Variants in KDM4B observed in about 807,000 individuals in gnomAD.
The protein encoded by KDM4B is lysine demethylase 4B.
A neutral mutation model predicts 125.2 loss-of-function variants in KDM4B; 32 were observed. The ratio of observed to expected loss-of-function variants is 0.26; its 90% CI spans 0.19 to 0.34. KDM4B has a LOEUF of 0.34. Ranked by LOEUF, KDM4B falls within the 10% of genes least tolerant of loss-of-function variation. The probability of loss-of-function intolerance (pLI) is 1.00; values close to 1 mark genes in which losing one functional copy is unlikely to be tolerated. For synonymous variants in KDM4B, 721 were observed against 677.9 expected (o/e 1.06, Z -0.99); for missense variants, 1,190 against 1,577.7 (o/e 0.75, Z 4.16).
At chr19:5,051,100 G>A (rs1050954294) in intron 6 of KDM4B, among the ~76,000 whole-genome samples, 2 of 152,062 alleles carry the variant, frequency 1.3e-5, no homozygotes, top group African/African-American at 2.4e-5. Flanking sequence ...GCGTCGCCAC[G>A]AGGCTGAGCG....
At chr19:4,980,180 A>G (rs570490049) in intron 1 of KDM4B, among the ~76,000 whole-genome samples, 4 of 152,146 alleles carry the variant, frequency 2.6e-5, no homozygotes, top group African/African-American at 9.6e-5. Context: ...ATCAAATGTT[A>G]GAACCTTTCT....
At chr19:5,004,582 G>A (rs1343372175) in intron 1 of KDM4B, among the ~76,000 whole-genome samples, 1 of 152,210 alleles carries the variant, frequency 6.6e-6, no homozygotes, top group African/African-American at 2.4e-5. Flanking sequence ...GACCCGGTGT[G>A]CATGTGTGCT....
intron 6 of KDM4B, among the ~76,000 whole-genome samples, chr19:5,067,155 C>CA (rs1271666111): frequency 6.6e-6 from 1 of 152,218 alleles, no homozygotes; most frequent in Non-Finnish European, 1.5e-5. Context: ...CCCGCCCAGA[C>CA]ATACCCCAGG....
In KDM4B at chr19:5,142,665, C is replaced by T. The variant is rs1728467597; in HGVS notation, c.2551-1302C>T. Among the ~76,000 whole-genome samples the T allele has an allele frequency of 6.6e-6, 1 of 152,100 alleles. No homozygotes were observed. Among genetic ancestry groups the T allele is most frequent in the Non-Finnish European group, 1.5e-5 (1 of 68,006 alleles). ...GGGCCTCTCCCCCACCCCCAGGCTC[C>T]CCAGGGAGCACAGCCTCCACTCCTA... On this transcript the variant is annotated intron_variant, in intron 18 of 22. Coordinates refer to ENST00000159111, the MANE Select transcript of KDM4B (RefSeq NM_015015.3). The surrounding 1 kb of genome is among the most constrained non-coding windows in gnomAD (Gnocchi z 5.4).
chr19:5,110,487 C>T, intron 9 of KDM4B, 135 bp from the exon 10 acceptor site: 1 of 788,194 alleles, frequency 1.3e-6, no homozygotes, highest in South Asian at 1.6e-5. Flanking sequence ...GAAAAATGTT[C>T]TAGAAGCGGA....
At chr19:5,124,138 A>G (rs1325380427) in intron 11 of KDM4B, among the ~76,000 whole-genome samples, 2 of 152,080 alleles carry the variant, frequency 1.3e-5, no homozygotes, top group Non-Finnish European at 2.9e-5. Context: ...GAGTTATGGG[A>G]AAACAAGCAG....
intron 3 of KDM4B, among the ~76,000 whole-genome samples, chr19:5,038,470 G>C (rs954126651): frequency 1.3e-5 from 2 of 152,196 alleles, no homozygotes; most frequent in Admixed American, 6.5e-5. Flanking sequence ...CCTTTCCTTG[G>C]GACCAGCCTT....
chr19:5,084,403 A>G (rs1264788133), intron 9 of KDM4B, among the ~76,000 whole-genome samples: 1 of 142,694 alleles, frequency 7.0e-6, no homozygotes, highest in Non-Finnish European at 1.5e-5. Flanking sequence ...AAAATAAATT[A>G]TATAAATTAC....
At chr19:5,092,876 G>C (rs192450037) in intron 9 of KDM4B, among the ~76,000 whole-genome samples, 19 of 152,270 alleles carry the variant, frequency 1.2e-4, no homozygotes, top group Admixed American at 1.2e-3. Flanking sequence ...GTAACCTGGA[G>C]AGTGAGAGAG....
chr19:5,104,205 C>G (rs2038992241), intron 9 of KDM4B, among the ~76,000 whole-genome samples: 1 of 152,186 alleles, frequency 6.6e-6, no homozygotes, highest in South Asian at 2.1e-4. Context: ...GCAGGACGAG[C>G]AGGCGTGCCA....
At chr19:5,137,884 C>G (rs2039677417) in intron 17 of KDM4B, 78 bp from the exon 18 acceptor site, 4 of 1,295,576 alleles carry the variant, frequency 3.1e-6, no homozygotes, top group South Asian at 1.3e-5. Context: ...CAGCCGACAG[C>G]CACATCACGC....
At chr19:5,029,451 G>A (rs185698680) in intron 2 of KDM4B, among the ~76,000 whole-genome samples, 2 of 152,338 alleles carry the variant, frequency 1.3e-5, no homozygotes, top group East Asian at 3.9e-4. Flanking sequence ...TGTGTTGCAC[G>A]TGCGTCAAGG....
intron 2 of KDM4B, among the ~76,000 whole-genome samples, chr19:5,020,216 G>A (rs1278437192): frequency 6.6e-6 from 1 of 150,720 alleles, no homozygotes; most frequent in Non-Finnish European, 1.5e-5. Flanking sequence ...TTGGTGTGCA[G>A]GTGTTAGTGT....
chr19:5,002,554 A>G (rs893910351), intron 1 of KDM4B, among the ~76,000 whole-genome samples: 3 of 148,624 alleles, frequency 2.0e-5, no homozygotes, highest in Non-Finnish European at 3.0e-5. Context: ...AGGTCTTACT[A>G]TGTTGCCCAC....
chr19:5,132,039 C>A (rs768415200), intron 13 of KDM4B, 32 bp downstream of exon 13: 2 of 1,569,306 alleles, frequency 1.3e-6, no homozygotes, highest in Non-Finnish European at 1.7e-6. Context: ...CGGCTCTCAT[C>A]AGCCCTGCTC....
At chr19:5,131,661 A>AGGTGGGGTGGAGCGGGGGAGGCGGGGG (rs1568316990) in intron 12 of KDM4B, 116 bp downstream of exon 12, 1 of 189,552 alleles carries the variant, frequency 5.3e-6, no homozygotes, top group African/African-American at 1.0e-4. Flanking sequence ...GGAGGAGGGG[A>AGGTGGGGTGGAGCGGGGGAGGCGGGGG]CAGGAGGGCT....
chr19:4,981,047 C>T (rs2034623299), intron 1 of KDM4B, among the ~76,000 whole-genome samples: 1 of 152,062 alleles, frequency 6.6e-6, no homozygotes, highest in Admixed American at 6.5e-5. Context: ...CCCTGTGAGG[C>T]CACAGGGTCT....
At chr19:5,102,167 C>T (rs146008827) in intron 9 of KDM4B, among the ~76,000 whole-genome samples, 251 of 152,292 alleles carry the variant, frequency 1.6e-3, no homozygotes, top group African/African-American at 5.7e-3. Context: ...GGTGGCCGTC[C>T]GTCTGCTCGC....
chr19:5,011,752 A>G (rs2035734077), intron 1 of KDM4B, among the ~76,000 whole-genome samples: 1 of 152,192 alleles, frequency 6.6e-6, no homozygotes, highest in Non-Finnish European at 1.5e-5. Flanking sequence ...CAACTTTCGG[A>G]ACCCACCCGA....
Sources: gnomAD v4.1 joint callset for allele counts (sites outside exome capture counted in the v4.1 genomes callset) on GRCh38, gnomAD v4.1.1 for gene constraint, Gnocchi (gnomAD v3.1) non-coding constraint, MANE v1.5 for transcripts, NCBI Gene and HGNC (gene_info 2026-07-23, HGNC 2026-07-21) for gene names.